Variants in MAP3K12 observed in about 807,000 individuals in gnomAD.
MAP3K12 encodes the protein mitogen-activated protein kinase kinase kinase 12, also known as MAPK-upstream kinase.
A neutral mutation model predicts 87.5 loss-of-function variants in MAP3K12; 14 were observed. The observed-to-expected ratio is 0.16, with a 90% CI of 0.11 to 0.25. The LOEUF (loss-of-function observed/expected upper bound fraction) is 0.25. Among genes scored for constraint, MAP3K12 ranks in the 10% least tolerant of loss-of-function variants. The probability of loss-of-function intolerance (pLI) is 1.00; values close to 1 mark genes in which losing one functional copy is unlikely to be tolerated. For synonymous variants in MAP3K12, 469 were observed against 452.5 expected (o/e 1.04, Z -0.46); for missense variants, 802 against 1,140.4 (o/e 0.70, Z 4.27).
In MAP3K12 at chr12:53,480,383, G is replaced by A. The variant is rs1185226743; in HGVS notation, c.*799C>T. On this transcript the variant is annotated 3_prime_UTR_variant, in exon 14 of 14. Coordinates refer to ENST00000547488, the MANE Select transcript of MAP3K12 (RefSeq NM_001193511.2). ...TTAGTGAGAGTAGATGCAAAAAAGT[G>A]GAGGGGCAGGAGAACTTCTCCAGAC... 1 of 152,376 alleles carries A rather than the reference G, an allele frequency of 6.6e-6. No individual in the cohort carries two copies. Among genetic ancestry groups the A allele is most frequent in the Non-Finnish European group, 1.5e-5 (1 of 68,042 alleles). 9.4% of individuals were successfully genotyped at this position (152,376 alleles called of 1,614,324 possible).
At position 53,483,896 on chromosome 12, in the gene MAP3K12, A is replaced by G. The variant is rs1276462322; in HGVS notation, c.1358+15T>C. The stretch of plus-strand genomic sequence containing the variant: ...TGCTGTTAGTAAAATCACCTCCCCA[A>G]GCACGGGAACTCACCTGAGCTCCTC... On this transcript the variant is annotated intron_variant, in intron 8 of 13. Transcript: ENST00000547488. 3.1e-6 allele frequency: 5 copies of G among 1,613,528 alleles called. No homozygotes were observed. Among genetic ancestry groups the G allele is most frequent in the South Asian group, 1.1e-5 (1 of 91,078 alleles).
intron 13 of MAP3K12, 94 bp downstream of exon 13, chr12:53,481,847 T>C: frequency 6.8e-7 from 1 of 1,463,568 alleles, no homozygotes; most frequent in Non-Finnish European, 9.3e-7. Context: ...CTTTCTGGCC[T>C]GTGCAGCTGT....
intron 1 of MAP3K12, among the ~76,000 whole-genome samples, chr12:53,490,563 G>A (rs1311193581): frequency 1.3e-5 from 2 of 151,978 alleles, no homozygotes; most frequent in African/African-American, 4.8e-5. Flanking sequence ...GGCTAACACG[G>A]TGAAACCCTG....
At chr12:53,498,982 GT>G (rs1943610635) in intron 1 of MAP3K12, among the ~76,000 whole-genome samples, 2 of 39,896 alleles carry the variant, frequency 5.0e-5, no homozygotes, top group African/African-American at 1.6e-4. Flanking sequence ...GTGTGTGTGT[GT>G]GTGTGTGTGT....
chr12:53,483,040 C>T lies in MAP3K12; in HGVS notation c.1763G>A (p.Ser588Asn). The change falls in exon 11 of 14, where the codon AGC becomes AAC. Residue 588 changes from serine (S) to asparagine (N), a missense_variant. This residue lies in a region of MAP3K12 where 490 missense variants were observed against 496.6 expected (regional missense o/e 0.99). Coordinates refer to ENST00000547488, the MANE Select transcript of MAP3K12 (RefSeq NM_001193511.2). ...ACGAAGCCCAGGCAGGTCCCCACAGCTCCCCTTGGCGCTGGCCTTGCGGTG... is the reference window on the plus strand; with the variant it reads ...ACGAAGCCCAGGCAGGTCCCCACAGTTCCCCTTGGCGCTGGCCTTGCGGTG... ...TRHRKASAKG[S>N]CGDLPGLRTA... 1 of 1,553,920 alleles carries T rather than the reference C, an allele frequency of 6.4e-7. No individual in the cohort carries two copies.
At chr12:53,484,182 C>T in intron 7 of MAP3K12, 75 bp downstream of exon 7, 2 of 1,450,790 alleles carry the variant, frequency 1.4e-6, no homozygotes, top group Non-Finnish European at 1.9e-6. Flanking sequence ...AACCCATTTC[C>T]CAGCCTCCCC....
chr12:53,484,377 G>A lies in MAP3K12; in HGVS notation c.1140-12C>T. On this transcript the variant is annotated splice_polypyrimidine_tract_variant and intron_variant, in intron 6 of 13. Transcript: ENST00000547488. ...GTGGTTTGCTATTCCTGAAAGGAAT[G>A]GAGTTAGGAAGGAGAGGGGAGAATT... 1 of 1,596,472 alleles carries A rather than the reference G, an allele frequency of 6.3e-7. No individual in the cohort carries two copies. Among genetic ancestry groups the A allele is most frequent in the Non-Finnish European group, 8.6e-7 (1 of 1,163,908 alleles).
rs774571331 is a variant in MAP3K12 at position 53,485,424 on chromosome 12, G to A, written c.873C>T (p.Ser291=). 5.6e-6 allele frequency: 9 copies of A among 1,613,734 alleles called. No homozygotes were observed. Among genetic ancestry groups the A allele is most frequent in the Non-Finnish European group, 7.6e-6 (9 of 1,179,898 alleles). ...TGGTGCTCTTGTCACTCAGCTCCTTGGAAGTGCCAAAATCTGAGATCTTCA... is the reference window on the plus strand; with the variant it reads ...TGGTGCTCTTGTCACTCAGCTCCTTAGAAGTGCCAAAATCTGAGATCTTCA... The part of the protein sequence containing the change: ...DVVKISDFGT[S]KELSDKSTKM... Residue 291 remains serine, a synonymous_variant, in exon 5 of 14, where the codon TCC becomes TCT. Transcript: ENST00000547488.
chr12:53,484,153 A>C (rs1426589356), intron 7 of MAP3K12, 104 bp downstream of exon 7: 1 of 1,361,134 alleles, frequency 7.3e-7, no homozygotes, highest in Non-Finnish European at 1.0e-6. Flanking sequence ...TCTAAGAGCC[A>C]ATCTCTTCAG....
chr12:53,499,666 C>T (rs1943638176), upstream of MAP3K12: 1 of 151,772 alleles, frequency 6.6e-6, no homozygotes. Flanking sequence ...TGAACTCCCG[C>T]TCCTTCCAGG....
chr12:53,488,060 C>G (rs946510753), intron 1 of MAP3K12, among the ~76,000 whole-genome samples: 3 of 152,152 alleles, frequency 2.0e-5, no homozygotes, highest in Non-Finnish European at 4.4e-5. Flanking sequence ...GAACACTCAA[C>G]TCAGGTGAGA....
upstream of MAP3K12, chr12:53,501,067 C>G (rs554265004): frequency 8.9e-6 from 3 of 337,908 alleles, no homozygotes; most frequent in African/African-American, 4.3e-5. Flanking sequence ...CACAGCTTCA[C>G]GGACCGGGAG....
chr12:53,498,234 G>C (rs929002002), intron 1 of MAP3K12, among the ~76,000 whole-genome samples: 1 of 152,184 alleles, frequency 6.6e-6, no homozygotes, highest in Non-Finnish European at 1.5e-5. Flanking sequence ...GGAAGGCTCA[G>C]GGGGCACTTG....
chr12:53,484,998 G>A, intron 6 of MAP3K12, 58 bp downstream of exon 6: 1 of 1,603,438 alleles, frequency 6.2e-7, no homozygotes, highest in Non-Finnish European at 8.5e-7. Context: ...GTCCAGCCCA[G>A]TACTACCGTG....
chr12:53,488,243 G>A (rs960325959), intron 1 of MAP3K12, among the ~76,000 whole-genome samples: 5 of 152,178 alleles, frequency 3.3e-5, no homozygotes, highest in Non-Finnish European at 7.3e-5. Flanking sequence ...TCAGTCCAGC[G>A]GCTCTCCCAG....
Position 53,486,862 on chromosome 12 carries a change from A to G in MAP3K12, c.445+85T>C. On this transcript the variant is annotated intron_variant, in intron 2 of 13. Transcript: ENST00000547488. This position sits in a 1 kb window ranked among gnomAD's most constrained non-coding sequence, Gnocchi z 4.9. Reference sequence around the variant, plus strand: ...GGGCTGGGCCATGGGGAGGGAAGGGACCATTGCGTGACTTTAGCGGAGCTG... The same window carrying G: ...GGGCTGGGCCATGGGGAGGGAAGGGGCCATTGCGTGACTTTAGCGGAGCTG... 6.4e-7 allele frequency: 1 copy of G among 1,572,120 alleles called. No homozygotes were observed. Among genetic ancestry groups the G allele is most frequent in the Non-Finnish European group, 8.6e-7 (1 of 1,156,916 alleles).
chr12:53,483,259 G>A, intron 10 of MAP3K12, 70 bp from the exon 11 acceptor site: 2 of 1,562,996 alleles, frequency 1.3e-6, no homozygotes, highest in Non-Finnish European at 8.7e-7. Context: ...CCTAACCTTG[G>A]ACACTAAAGT....
chr12:53,482,346 C>A lies in MAP3K12; in HGVS notation c.2262G>T (p.Glu754Asp). Residue 754 changes from glutamate (E) to aspartate (D), a missense_variant, in exon 12 of 14, where the codon GAG becomes GAT. Transcript: ENST00000547488. The stretch of plus-strand genomic sequence containing the variant: ...CTTCACTGTCTACCTCTCCTTCCTC[C>A]TCTTCCGATGAGATGCCACGTTTCT... The part of the protein sequence containing the change: ...RSQKRGISSE[E>D]EEGEVDSEVE... The A allele has an allele frequency of 1.9e-6, 3 of 1,614,084 alleles. No individual in the cohort carries two copies. Among genetic ancestry groups the A allele is most frequent in the Non-Finnish European group, 2.5e-6 (3 of 1,180,016 alleles).
intron 1 of MAP3K12, chr12:53,487,688 A>G: frequency 2.7e-6 from 1 of 376,968 alleles, no homozygotes; most frequent in Non-Finnish European, 4.8e-6. Flanking sequence ...TATCATTCTC[A>G]GGTAACAGCC....
Sources: gnomAD v4.1 joint callset for allele counts (sites outside exome capture counted in the v4.1 genomes callset) on GRCh38, gnomAD v4.1.1 for gene constraint, gnomAD v4.1.1 regional missense constraint, Gnocchi (gnomAD v3.1) non-coding constraint, MANE v1.5 for transcripts, NCBI Gene and HGNC (gene_info 2026-07-23, HGNC 2026-07-21) for gene names.